DNAJC7: variants seen among roughly 807,000 people sequenced by gnomAD.
The protein encoded by DNAJC7 is dnaJ homolog subfamily C member 7.
A neutral mutation model predicts 67.4 loss-of-function variants in DNAJC7; 18 were observed. The ratio of observed to expected loss-of-function variants is 0.27; its 90% CI spans 0.18 to 0.40. DNAJC7 has a LOEUF of 0.40. Ranked by LOEUF, DNAJC7 falls within the 10% of genes least tolerant of loss-of-function variation. The pLI, the probability that DNAJC7 is intolerant of heterozygous loss-of-function variation, is 1.00. For synonymous variants in DNAJC7, 220 were observed against 207.8 expected, an observed-to-expected ratio of 1.06 and a Z score of -0.50; for missense variants, 419 against 613.8, an observed-to-expected ratio of 0.68 and a Z score of 3.35.
intron 10 of DNAJC7, among the ~76,000 whole-genome samples, chr17:41,983,156 G>A (rs1334961951): frequency 2.0e-5 from 3 of 151,356 alleles, no homozygotes; most frequent in African/African-American, 4.9e-5. Context: ...ATGAAGTCTC[G>A]CTCCGTCACC....
At chr17:41,993,632 G>C (rs1268821699) in intron 5 of DNAJC7, among the ~76,000 whole-genome samples, 1 of 152,070 alleles carries the variant, frequency 6.6e-6, no homozygotes, top group Non-Finnish European at 1.5e-5. Context: ...ACCTTTTTGG[G>C]GGTTATCTAC....
At chr17:42,009,412 A>C (rs2143336045) in intron 1 of DNAJC7, among the ~76,000 whole-genome samples, 1 of 152,348 alleles carries the variant, frequency 6.6e-6, no homozygotes, top group South Asian at 2.1e-4. Context: ...ACCAGCCAGC[A>C]AGCTGTGCCT....
intron 1 of DNAJC7, among the ~76,000 whole-genome samples, chr17:42,007,533 C>CT (rs534709415): frequency 2.2e-4 from 33 of 151,330 alleles, no homozygotes; most frequent in Middle Eastern, 3.5e-3. Context: ...AAAAAAATTT[C>CT]TTTTTTTTTG....
Position 41,976,832 on chromosome 17 carries a change from C to G in DNAJC7, c.1448-62G>C, listed in dbSNP as rs1226108816. 22 of 1,583,292 alleles carry G rather than the reference C, an allele frequency of 1.4e-5. No individual in the cohort carries two copies. The African/African-American group carries it at 1.9e-4, about 14-fold the overall frequency. On this transcript the variant is annotated intron_variant, in intron 13 of 13. Coordinates refer to ENST00000457167, the MANE Select transcript of DNAJC7 (RefSeq NM_003315.4). ...ATTTTCTAAGGAAGATCACTTTGCT[C>G]TGATTATGGAAAAGTCTTCAAGGGC...
intron 2 of DNAJC7, 73 bp from the exon 3 acceptor site, chr17:41,997,312 G>A (rs1598138490): frequency 4.5e-6 from 7 of 1,540,774 alleles, no homozygotes; most frequent in African/African-American, 1.4e-5. Context: ...GAGGGGGCTG[G>A]GCGCAGTGGC....
At chr17:41,995,000 C>A (rs1555648390) in intron 4 of DNAJC7, 56 bp from the exon 5 acceptor site, 1 of 1,489,128 alleles carries the variant, frequency 6.7e-7, no homozygotes, top group Admixed American at 1.8e-5. Context: ...ATTAAACAAC[C>A]ACAAAAAAAT....
chr17:41,977,954 A>C (rs1555645249), intron 12 of DNAJC7, among the ~76,000 whole-genome samples: 1 of 152,062 alleles, frequency 6.6e-6, no homozygotes, highest in Non-Finnish European at 1.5e-5. Flanking sequence ...ACCCTGTCTT[A>C]ATAACAACAA....
chr17:41,977,236 TC>T, intron 13 of DNAJC7, 24 bp downstream of exon 13: 1 of 1,570,074 alleles, frequency 6.4e-7, no homozygotes, highest in Admixed American at 1.9e-5. Context: ...ATCTGGGAAC[TC>T]CCAAGAACAG....
At chr17:42,006,789 T>A (rs574358155) in intron 1 of DNAJC7, among the ~76,000 whole-genome samples, 74 of 8,870 alleles carry the variant, frequency 8.3e-3, no homozygotes, top group African/African-American at 0.026. Context: ...AGAGCAAGAC[T>A]CCGTCTCAAA....
chr17:42,009,940 A>C (rs2052072715), intron 1 of DNAJC7, among the ~76,000 whole-genome samples: 1 of 150,832 alleles, frequency 6.6e-6, no homozygotes, highest in Non-Finnish European at 1.5e-5. Context: ...TGATGAGATC[A>C]AGACCATCCT....
chr17:42,016,922 C>A (rs1311421543), intron 1 of DNAJC7: 10 of 1,121,308 alleles, frequency 8.9e-6, no homozygotes, highest in African/African-American at 1.7e-5. Context: ...GTGAGGAGAG[C>A]AAAGGTTTTG....
At chr17:41,987,484 G>A (rs2051413378) in intron 9 of DNAJC7, 2 of 254,790 alleles carry the variant, frequency 7.8e-6, no homozygotes, top group African/African-American at 4.5e-5. Context: ...GTCAAGCACT[G>A]TGCCAGGGTA....
At chr17:41,986,346 A>G (rs1187242999) in intron 9 of DNAJC7, among the ~76,000 whole-genome samples, 1 of 151,698 alleles carries the variant, frequency 6.6e-6, no homozygotes, top group African/African-American at 2.4e-5. Flanking sequence ...AGCCTGAGCG[A>G]CATAGCGAGA....
chr17:42,017,156 G>A (rs994487741), intron 1 of DNAJC7, 184 bp downstream of exon 1: 4 of 1,496,416 alleles, frequency 2.7e-6, no homozygotes, highest in Middle Eastern at 1.9e-4. Context: ...GGAAGCGGGA[G>A]AGGAAGGCCG....
At position 41,994,883 on chromosome 17, in the gene DNAJC7, C is replaced by T. The variant is rs143729544; in HGVS notation, c.467G>A (p.Arg156Gln). ...EKIAETDFEK[R>Q]DFRKVVFCMD... The stretch of plus-strand genomic sequence containing the variant: ...GTTGTACTGTACCTTCCGAAAATCT[C>T]GCTTCTCAAAATCTGTTTCTGCTAT... Residue 156 changes from arginine (R) to glutamine (Q), a missense_variant, in exon 5 of 14, where the codon CGA becomes CAA. Arg to Gln is a conservative substitution (Grantham distance 43). This residue lies in a region of DNAJC7 where 179 missense variants were observed against 249.7 expected (regional missense o/e 0.72). Coordinates refer to ENST00000457167, the MANE Select transcript of DNAJC7 (RefSeq NM_003315.4). The T allele has an allele frequency of 3.5e-5, 56 of 1,613,804 alleles. No individual in the cohort carries two copies. Among genetic ancestry groups the T allele is most frequent in the Non-Finnish European group, 4.7e-5 (55 of 1,179,872 alleles).
In DNAJC7 at chr17:41,988,906, A is replaced by G. The variant is rs1555647277; in HGVS notation, c.754-10T>C. 30 of 1,612,950 alleles carry G rather than the reference A, an allele frequency of 1.9e-5. No individual in the cohort carries two copies. The highest frequency in any genetic ancestry group is 2.5e-5 in the Non-Finnish European group (30 of 1,179,658). On this transcript the variant is annotated splice_polypyrimidine_tract_variant and intron_variant, in intron 7 of 13. Coordinates refer to ENST00000457167, the MANE Select transcript of DNAJC7 (RefSeq NM_003315.4). Reference sequence around the variant, plus strand: ...TGAGTGCTTTGGCATTCTACAGAAAAAAGCAAGGGGAGGATCGGTTCATAT... The same window carrying G: ...TGAGTGCTTTGGCATTCTACAGAAAGAAGCAAGGGGAGGATCGGTTCATAT...
At chr17:41,981,736 A>T in intron 12 of DNAJC7, 119 bp downstream of exon 12, 3 of 1,370,582 alleles carry the variant, frequency 2.2e-6, no homozygotes, top group Non-Finnish European at 3.0e-6. Context: ...CATGTCTATT[A>T]CTGTTTGGAC....
At chr17:41,986,962 G>A (rs998715232) in intron 9 of DNAJC7, among the ~76,000 whole-genome samples, 3 of 152,138 alleles carry the variant, frequency 2.0e-5, no homozygotes, top group African/African-American at 7.2e-5. Flanking sequence ...TTATAATAAG[G>A]AGTGGAGCAG....
intron 1 of DNAJC7, among the ~76,000 whole-genome samples, chr17:42,010,822 T>C (rs913313491): frequency 6.6e-6 from 1 of 152,162 alleles, no homozygotes; most frequent in Non-Finnish European, 1.5e-5. Context: ...CACATGCCAA[T>C]AGAATTTCAC....
Sources: gnomAD v4.1 joint callset for allele counts (sites outside exome capture counted in the v4.1 genomes callset) on GRCh38, gnomAD v4.1.1 for gene constraint, gnomAD v4.1.1 regional missense constraint, MANE v1.5 for transcripts, NCBI Gene and HGNC (gene_info 2026-07-23, HGNC 2026-07-21) for gene names.